CDH20: variants seen among roughly 807,000 people sequenced by gnomAD.
CDH20 encodes cadherin 20.
CDH20 carries 29 observed loss-of-function variants against 74.2 expected under a neutral mutation model. The observed-to-expected ratio is 0.39, with a 90% CI of 0.29 to 0.53. The LOEUF (loss-of-function observed/expected upper bound fraction) is 0.53, where lower values mean the gene tolerates loss of function less well. Ranked by LOEUF, CDH20 falls within the 20% of genes least tolerant of loss-of-function variation. CDH20 has a pLI of 0.69. For missense variants in CDH20, 988 were observed against 1,048.3 expected (o/e 0.94, Z 0.79); for synonymous variants, 469 against 405.4 (o/e 1.16, Z -1.88).
chr18:61,503,209 C>T (rs1458593082), intron 5 of CDH20, 89 bp downstream of exon 5: 2 of 958,244 alleles, frequency 2.1e-6, no homozygotes, highest in African/African-American at 3.3e-5. Context: ...GTTTGAGTTT[C>T]CTCATTAAAT....
Position 61,343,987 on chromosome 18 carries a change from G to A in CDH20, c.-153+10160G>A, listed in dbSNP as rs78199670. Among the ~76,000 whole-genome samples the A allele has an allele frequency of 9.0e-3, 1,375 of 152,228 alleles. 20 individuals are homozygous for A. The highest frequency in any genetic ancestry group is 0.032 in the African/African-American group (1,318 of 41,544). ...AGATGACTGGCCTGTAGGAGTCTGA[G>A]CACAGACATCAGATCAGGGAAGGTA... On this transcript the variant is annotated intron_variant, in intron 1 of 11. Transcript: ENST00000262717.
intron 1 of CDH20, among the ~76,000 whole-genome samples, chr18:61,399,525 G>A (rs1912090637): frequency 1.3e-5 from 2 of 151,994 alleles, no homozygotes; most frequent in Non-Finnish European, 2.9e-5. Flanking sequence ...TCAGCTCACT[G>A]GATCAAAAAT....
At position 61,333,695 on chromosome 18, in the gene CDH20, C is replaced by T. The variant is rs1909644767; in HGVS notation, c.-285C>T. 1 of 151,738 alleles carries T rather than the reference C, an allele frequency of 6.6e-6. No homozygotes were observed. Among genetic ancestry groups the T allele is most frequent in the African/African-American group, 2.4e-5 (1 of 41,190 alleles). 9.4% of individuals were successfully genotyped at this position (151,738 alleles called of 1,614,324 possible). On this transcript the variant is annotated 5_prime_UTR_variant, in exon 1 of 12. Transcript: ENST00000262717. Reference sequence around the variant, plus strand: ...GGGGTAGGGGGGTGGGGGGCGGGGACAGCGCCGCGAGCAGGGGTGAAGAGA... The same window carrying T: ...GGGGTAGGGGGGTGGGGGGCGGGGATAGCGCCGCGAGCAGGGGTGAAGAGA...
rs1913551638 is a variant in CDH20 at position 61,554,422 on chromosome 18, C to T, written c.2133C>T (p.Tyr711=). The stretch of plus-strand genomic sequence containing the variant: ...CCGAGATCGAGAGCCTCTCCCGCTA[C>T]GTGCCTCAGACGTGCGCAGTGAACA... ...MLPEIESLSR[Y]VPQTCAVNST... Residue 711 remains tyrosine, a synonymous_variant, in exon 12 of 12, where the codon TAC becomes TAT. Transcript: ENST00000262717. The T allele has an allele frequency of 1.2e-6, 2 of 1,613,110 alleles. No individual in the cohort carries two copies. The highest frequency in any genetic ancestry group is 1.7e-6 in the Non-Finnish European group (2 of 1,179,762).
intron 7 of CDH20, among the ~76,000 whole-genome samples, chr18:61,528,481 A>ACACACACACACACCCC (rs755504850): frequency 6.7e-6 from 1 of 149,320 alleles, no homozygotes; most frequent in Middle Eastern, 3.5e-3. Flanking sequence ...ACACACACAC[A>ACACACACACACACCCC]CCCCTTAGTT....
At chr18:61,490,167 A>G (rs929034424) in intron 1 of CDH20, among the ~76,000 whole-genome samples, 5 of 152,180 alleles carry the variant, frequency 3.3e-5, no homozygotes, top group African/African-American at 1.2e-4. Flanking sequence ...TTTATTCATC[A>G]GTTTTATTCC....
chr18:61,385,971 G>A, intron 1 of CDH20, among the ~76,000 whole-genome samples: 1 of 150,836 alleles, frequency 6.6e-6, no homozygotes, highest in East Asian at 2.0e-4. Flanking sequence ...CATAGAAAAT[G>A]CAAGTGGATT....
chr18:61,374,041 G>A (rs1911128607), intron 1 of CDH20, among the ~76,000 whole-genome samples: 1 of 152,080 alleles, frequency 6.6e-6, no homozygotes, highest in Non-Finnish European at 1.5e-5. Context: ...TTCTCTCTGA[G>A]TCTCTCATGA....
intron 1 of CDH20, among the ~76,000 whole-genome samples, chr18:61,476,619 T>C (rs1160786846): frequency 2.0e-5 from 3 of 152,158 alleles, no homozygotes; most frequent in Non-Finnish European, 4.4e-5. Flanking sequence ...CTTCCCTCAT[T>C]ACAGGAGAAT....
Position 61,518,992 on chromosome 18 carries a change from C to A in CDH20, c.1018-8975C>A, listed in dbSNP as rs563729274. On this transcript the variant is annotated intron_variant, in intron 6 of 11. Transcript: ENST00000262717. ...TTAAGCATACACAAGTATCAACAGTCAAATTGATCAAGTGGAAGAAAGGAT... is the reference window on the plus strand; with the variant it reads ...TTAAGCATACACAAGTATCAACAGTAAAATTGATCAAGTGGAAGAAAGGAT... 3.3e-5 allele frequency among the ~76,000 whole-genome samples: 5 copies of A among 150,986 alleles called. No homozygotes were observed. In the South Asian group the frequency reaches 6.3e-4, roughly 19 times the overall value.
At position 61,390,914 on chromosome 18, in the gene CDH20, C is replaced by T. The variant is rs565585146; in HGVS notation, c.-153+57087C>T. ...TTTTCTAGGCTTGGAGTGAGGAAGG[C>T]CTTTTGAATATATCAACAAAACTAC... On this transcript the variant is annotated intron_variant, in intron 1 of 11. Transcript: ENST00000262717. Among the ~76,000 whole-genome samples, 9 of 152,150 alleles carry T rather than the reference C, an allele frequency of 5.9e-5. No homozygotes were observed. In the East Asian group the frequency reaches 1.7e-3, roughly 29 times the overall value.
chr18:61,380,649 A>C (rs1018708899), intron 1 of CDH20, among the ~76,000 whole-genome samples: 1 of 152,168 alleles, frequency 6.6e-6, no homozygotes, highest in Non-Finnish European at 1.5e-5. Flanking sequence ...GTCTCTACTA[A>C]AACTACAAAA....
intron 8 of CDH20, among the ~76,000 whole-genome samples, chr18:61,538,001 G>A (rs932764068): frequency 2.0e-5 from 3 of 152,188 alleles, no homozygotes; most frequent in Admixed American, 2.0e-4. Context: ...CACTACCAGA[G>A]CTGTGAAACT....
chr18:61,468,245 T>C (rs952458457), intron 1 of CDH20, among the ~76,000 whole-genome samples: 8 of 152,224 alleles, frequency 5.3e-5, no homozygotes, highest in African/African-American at 7.2e-5. Flanking sequence ...GGTTTGCCTT[T>C]CACTGCATGT....
chr18:61,507,385 T>C lies in CDH20; in HGVS notation c.842T>C (p.Met281Thr). ...PPRFPQKHYQ[M>T]SVLESAPISS... ...CTTTTCTTCGTAGAACATTACCAGA[T>C]GAGTGTGTTGGAATCAGCTCCAATT... Residue 281 changes from methionine to threonine, a missense_variant, in exon 6 of 12, where the codon ATG becomes ACG. This residue lies in a region of CDH20 where 613 missense variants were observed against 755.2 expected (regional missense o/e 0.81). Transcript: ENST00000262717. 6.2e-7 allele frequency: 1 copy of C among 1,613,550 alleles called. No individual in the cohort carries two copies. Among genetic ancestry groups the C allele is most frequent in the Non-Finnish European group, 8.5e-7 (1 of 1,179,832 alleles).
chr18:61,405,731 A>T (rs1044217010), intron 1 of CDH20, among the ~76,000 whole-genome samples: 4 of 152,308 alleles, frequency 2.6e-5, no homozygotes, highest in African/African-American at 7.2e-5. Flanking sequence ...AACTTGTTAA[A>T]ATGCAAATTC....
At chr18:61,528,283 T>C (rs1912510090) in intron 7 of CDH20, 63 bp downstream of exon 7, 11 of 1,516,114 alleles carry the variant, frequency 7.3e-6, no homozygotes, top group Non-Finnish European at 9.9e-6. Context: ...TGTATGTAAT[T>C]TTCTAGCACT....
rs1007110113 is a variant in CDH20 at position 61,353,082 on chromosome 18, T to C, written c.-153+19255T>C. On this transcript the variant is annotated intron_variant, in intron 1 of 11. Coordinates refer to ENST00000262717, the MANE Select transcript of CDH20 (RefSeq NM_031891.4). The surrounding 1 kb of genome is among the most constrained non-coding windows in gnomAD (Gnocchi z 4.6). Reference sequence around the variant, plus strand: ...CTGTCCATAGCTTCTATTTTATGGCTACCCTGGTCACCTCCCCTGCAATCA... The same window carrying C: ...CTGTCCATAGCTTCTATTTTATGGCCACCCTGGTCACCTCCCCTGCAATCA... Among the ~76,000 whole-genome samples, 7 of 152,220 alleles carry C rather than the reference T, an allele frequency of 4.6e-5. No individual in the cohort carries two copies. Among genetic ancestry groups the C allele is most frequent in the Non-Finnish European group, 1.0e-4 (7 of 68,036 alleles).
intron 1 of CDH20, among the ~76,000 whole-genome samples, chr18:61,335,486 A>C (rs943882187): frequency 6.6e-5 from 10 of 152,196 alleles, no homozygotes; most frequent in African/African-American, 2.4e-4. Context: ...CCTGCCAGAG[A>C]AAAAAGAGAC....
Sources: gnomAD v4.1 joint callset for allele counts (sites outside exome capture counted in the v4.1 genomes callset) on GRCh38, gnomAD v4.1.1 for gene constraint, gnomAD v4.1.1 regional missense constraint, Gnocchi (gnomAD v3.1) non-coding constraint, MANE v1.5 for transcripts, NCBI Gene and HGNC (gene_info 2026-07-23, HGNC 2026-07-21) for gene names.